The following DCAKD variants were observed in gnomAD, a reference collection of about 807,000 sequenced individuals.
The protein encoded by DCAKD is dephospho-CoA kinase domain-containing protein.
Under a neutral mutation model 18.7 loss-of-function variants are expected in DCAKD, and 15 were observed. That is an observed-to-expected ratio of 0.80 (90% confidence interval 0.54 to 1.24). The LOEUF is 1.24. DCAKD is among the 50% of genes most tolerant of loss of function. DCAKD has a pLI of 0.00. For missense variants in DCAKD, 301 were observed against 322.0 expected (o/e 0.93, Z 0.50); for synonymous variants, 130 against 133.0 (o/e 0.98, Z 0.16).
rs144519534 is a variant in DCAKD, at chr17:45,037,602, G to A, written c.-114-2603C>T. On this transcript the variant is annotated intron_variant, in intron 1 of 4. Transcript: ENST00000651974. ...GACTCCCAAGTAGTTGGGATTACAT[G>A]CAGCCGTCACCATGCCCAGCTAATT... is the stretch of plus-strand genomic sequence containing the variant. Among the ~76,000 whole-genome samples, 6 of 152,036 alleles carry A rather than the reference G, an allele frequency of 3.9e-5. No homozygotes were observed. The East Asian group carries it at 1.2e-3, about 29-fold the overall frequency.
intron 4 of DCAKD, among the ~76,000 whole-genome samples, chr17:45,025,892 C>G (rs1389042496): frequency 6.6e-6 from 1 of 151,170 alleles, no homozygotes; most frequent in African/African-American, 2.4e-5. Flanking sequence ...GCTGGGATTA[C>G]TGGCATGCGC....
upstream of DCAKD, among the ~76,000 whole-genome samples, chr17:45,054,966 C>T (rs1027861677): frequency 2.0e-5 from 3 of 152,264 alleles, no homozygotes; most frequent in South Asian, 2.1e-4. Context: ...AAGGAGGTAT[C>T]CTTGTGGTCC....
At chr17:45,029,065 A>G (rs1013822916) in intron 4 of DCAKD, among the ~76,000 whole-genome samples, 14 of 152,254 alleles carry the variant, frequency 9.2e-5, no homozygotes, top group Non-Finnish European at 1.2e-4. Context: ...TCGTGCTACT[A>G]AGGCAAAGAG....
intron 1 of DCAKD, among the ~76,000 whole-genome samples, chr17:45,048,108 G>C (rs2053611449): frequency 6.6e-6 from 1 of 152,106 alleles, no homozygotes; most frequent in African/African-American, 2.4e-5. Flanking sequence ...TTATTACATG[G>C]TCAGGCACAG....
At chr17:45,034,739 T>C (rs2053250865) in intron 2 of DCAKD, 35 bp downstream of exon 2, 1 of 1,597,856 alleles carries the variant, frequency 6.3e-7, no homozygotes, top group Non-Finnish European at 8.6e-7. Context: ...GGGGAGCTGC[T>C]GTGCACGGCC....
intron 4 of DCAKD, among the ~76,000 whole-genome samples, chr17:45,029,842 C>A (rs1214554239): frequency 2.0e-5 from 3 of 152,084 alleles, no homozygotes; most frequent in Non-Finnish European, 1.5e-5. Flanking sequence ...GCTGAAGTGC[C>A]TGCAATGGTC....
In DCAKD at chr17:45,030,135, T is replaced by C. The variant is rs769897043; in HGVS notation, c.361A>G (p.Lys121Glu). Residue 121 changes from lysine to glutamate, a missense_variant, in exon 4 of 5, where the codon AAG becomes GAG. By Grantham distance (56) the Lys-to-Glu change is moderately conservative. Transcript: ENST00000651974. ...TGCTTCATGTACTTGAGCAACTTCT[T>C]GGTCTCAAACAGCAGGGGGATATCC... ...ILDIPLLFET[K>E]KLLKYMKHTV... The C allele has an allele frequency of 3.1e-6, 5 of 1,614,040 alleles. No homozygotes were observed. In the African/African-American group the frequency reaches 4.0e-5, roughly 13 times the overall value.
Position 45,024,326 on chromosome 17 carries a change from TGTGTGTGTGTGTGGGG to T in DCAKD, c.*91_*106del, listed in dbSNP as rs1567825904. On this transcript the variant is annotated 3_prime_UTR_variant, in exon 5 of 5. Coordinates refer to ENST00000651974, the MANE Select transcript of DCAKD (RefSeq NM_001288655.2). ...GTGTGTGTGTGTGTGTGTGTGTGTG[TGTGTGTGTGTGTGGGG>T]AGGGGGCTGAGAGGAAACAGGATGT... The T allele has an allele frequency of 9.7e-6, 4 of 414,362 alleles. No individual in the cohort carries two copies. The highest frequency in any genetic ancestry group is 2.8e-5 in the South Asian group (1 of 35,654). The allele number at this position is 414,362 out of a possible 1,614,324, so 25.7% of individuals were successfully genotyped here. A position where few individuals can be genotyped will look rare whatever the true frequency, so the allele number is the denominator to read the frequency against.
intron 3 of DCAKD, chr17:45,031,240 G>C: frequency 1.0e-6 from 1 of 985,278 alleles, no homozygotes; most frequent in African/African-American, 1.7e-5. Flanking sequence ...GGCGGTGGGG[G>C]GGTGGCAATC....
At chr17:45,055,163 A>G (rs1202961634), upstream of DCAKD, among the ~76,000 whole-genome samples, 1 of 152,164 alleles carries the variant, frequency 6.6e-6, no homozygotes, top group Non-Finnish European at 1.5e-5. Context: ...GATGGCAATA[A>G]GAAACTTTGA....
chr17:45,036,387 G>A (rs546708963), intron 1 of DCAKD, among the ~76,000 whole-genome samples: 1 of 152,138 alleles, frequency 6.6e-6, no homozygotes, highest in Non-Finnish European at 1.5e-5. Context: ...CTGGTGGCGG[G>A]CGCCTGCAGT....
intron 1 of DCAKD, among the ~76,000 whole-genome samples, chr17:45,035,982 C>T (rs1052885955): frequency 6.6e-6 from 1 of 152,170 alleles, no homozygotes; most frequent in Non-Finnish European, 1.5e-5. Flanking sequence ...AGAAAAGTAC[C>T]ACTCTTGCCA....
intron 3 of DCAKD, chr17:45,031,625 G>A (rs928379665): frequency 2.0e-5 from 20 of 985,172 alleles, no homozygotes; most frequent in East Asian, 1.1e-4. Context: ...GATCCTCTCC[G>A]GGCCTCTTAT....
chr17:45,033,855 T>C, intron 3 of DCAKD: 1 of 1,251,056 alleles, frequency 8.0e-7, no homozygotes. Context: ...AAAGTCAGGG[T>C]TGGGATTTGA....
At chr17:45,059,256 AAAAGAAAG>A (rs555259918) in intron 1 of DCAKD, among the ~76,000 whole-genome samples, 1 of 152,084 alleles carries the variant, frequency 6.6e-6, no homozygotes, top group Non-Finnish European at 1.5e-5. Context: ...TCAGAAAAAA[AAAAGAAAG>A]AAAGAGTTGA....
chr17:45,056,025 C>T (rs1716638008), upstream of DCAKD, among the ~76,000 whole-genome samples: 1 of 151,970 alleles, frequency 6.6e-6, no homozygotes, highest in African/African-American at 2.4e-5. Context: ...CATGGTGGCT[C>T]GCACCTGTAA....
chr17:45,050,832 C>T (rs1409506011), intron 1 of DCAKD, among the ~76,000 whole-genome samples: 6 of 152,246 alleles, frequency 3.9e-5, no homozygotes, highest in African/African-American at 1.2e-4. Flanking sequence ...TTTGAAAACT[C>T]TGTAAGCAAA....
intron 1 of DCAKD, among the ~76,000 whole-genome samples, chr17:45,042,231 G>GC (rs1377318452): frequency 6.6e-6 from 1 of 152,154 alleles, no homozygotes; most frequent in African/African-American, 2.4e-5. Context: ...TGATGCCCCT[G>GC]CCATCTCTCA....
intron 1 of DCAKD, among the ~76,000 whole-genome samples, chr17:45,037,162 C>G (rs1860297127): frequency 6.6e-6 from 1 of 152,104 alleles, no homozygotes; most frequent in African/African-American, 2.4e-5. Flanking sequence ...CTACATTAAT[C>G]AACTATTTAA....
Sources: gnomAD v4.1 joint callset for allele counts (sites outside exome capture counted in the v4.1 genomes callset) on GRCh38, gnomAD v4.1.1 for gene constraint, MANE v1.5 for transcripts, NCBI Gene and HGNC (gene_info 2026-07-23, HGNC 2026-07-21) for gene names.